TBCD: variants seen among roughly 807,000 people sequenced by gnomAD.
TBCD encodes tubulin-specific chaperone D.
In TBCD, 105 loss-of-function variants were observed where a neutral mutation model predicts 169.3. The observed-to-expected ratio is 0.62, with a 90% CI of 0.53 to 0.73. TBCD has a LOEUF of 0.73. Ranked by LOEUF, TBCD falls within the 30% of genes least tolerant of loss-of-function variation. TBCD has a pLI of 0.00. For synonymous variants in TBCD, 700 were observed against 643.9 expected (o/e 1.09, Z -1.32); for missense variants, 1,444 against 1,600.1 (o/e 0.90, Z 1.66).
At chr17:82,849,185 T>TCAGGGCTGC (rs1362082638) in intron 13 of TBCD, among the ~76,000 whole-genome samples, 2 of 96,864 alleles carry the variant, frequency 2.1e-5, no homozygotes, top group African/African-American at 9.3e-5. Flanking sequence ...GCCTGCTGCG[T>TCAGGGCTGC]CTTCTCACCT....
intron 6 of TBCD, among the ~76,000 whole-genome samples, chr17:82,774,033 T>C (rs2048437027): frequency 7.5e-6 from 1 of 133,570 alleles, no homozygotes; most frequent in Non-Finnish European, 1.6e-5. Flanking sequence ...CTGGCCCGAG[T>C]GTGTCTTTTT....
In TBCD at chr17:82,782,893, G is replaced by A. The variant is rs780649456; in HGVS notation, c.771+1172G>A. Among the ~76,000 whole-genome samples the A allele has an allele frequency of 5.9e-5, 9 of 151,514 alleles. No homozygotes were observed. Among genetic ancestry groups the A allele is most frequent in the South Asian group, 2.1e-4 (1 of 4,744 alleles). On this transcript the variant is annotated intron_variant, in intron 7 of 38. Coordinates refer to ENST00000355528, the MANE Select transcript of TBCD (RefSeq NM_005993.5). The surrounding 1 kb of genome is among the most constrained non-coding windows in gnomAD (Gnocchi z 5.1). ...TCAGTGTTGTCTTCCTGTCCATGGC[G>A]TTGTCTTCCTGTCTGCGGTGTCGTC...
chr17:82,761,382 T>C, intron 2 of TBCD, among the ~76,000 whole-genome samples: 1 of 152,230 alleles, frequency 6.6e-6, no homozygotes, highest in Non-Finnish European at 1.5e-5. Flanking sequence ...TTTAATTTTA[T>C]TGAGTTTAAA....
intron 11 of TBCD, among the ~76,000 whole-genome samples, chr17:82,808,486 G>T (rs1328662638): frequency 2.1e-5 from 3 of 139,862 alleles, no homozygotes; most frequent in Admixed American, 2.1e-4. Flanking sequence ...AGGTGGAGGG[G>T]CTGACAGGTG....
rs2058963300 is a variant in TBCD at position 82,889,251 on chromosome 17, G to A, written c.1534-417G>A. Among the ~76,000 whole-genome samples the A allele has an allele frequency of 6.6e-6, 1 of 152,138 alleles. No homozygotes were observed. The highest frequency in any genetic ancestry group is 1.5e-5 in the Non-Finnish European group (1 of 68,010). ...AGCCTATTGACACCGTGCCATGGGT[G>A]CGGGCAGGGCGCCCTCCCTGGAGGG... On this transcript the variant is annotated intron_variant, in intron 15 of 38. Transcript: ENST00000355528. This position sits in a 1 kb window ranked among gnomAD's most constrained non-coding sequence, Gnocchi z 5.3.
chr17:82,870,116 T>C (rs969217725), intron 13 of TBCD, 108 bp from the exon 14 acceptor site: 48 of 1,480,076 alleles, frequency 3.2e-5, no homozygotes, highest in Middle Eastern at 1.7e-4. Context: ...CGTGCCTCAC[T>C]CATCTGGCAC....
Position 82,790,619 on chromosome 17 carries a change from G to A in TBCD, c.772-7138G>A, listed in dbSNP as rs138453898. Among the ~76,000 whole-genome samples the A allele has an allele frequency of 4.9e-3, 742 of 152,310 alleles. 2 individuals are homozygous for A. Among genetic ancestry groups the A allele is most frequent in the Non-Finnish European group, 7.2e-3 (492 of 68,014 alleles). On this transcript the variant is annotated intron_variant, in intron 7 of 38. Coordinates refer to ENST00000355528, the MANE Select transcript of TBCD (RefSeq NM_005993.5). ...GGCAGAGCTGCTCAGTGGCCAGCCC[G>A]TGGGACCCCTGTGCACCCTGCCGCC...
chr17:82,824,973 A>G (rs967942409), intron 13 of TBCD, among the ~76,000 whole-genome samples: 1 of 152,070 alleles, frequency 6.6e-6, no homozygotes, highest in African/African-American at 2.4e-5. Flanking sequence ...AGCTCTAGGA[A>G]TCGATTTTGC....
chr17:82,920,646 A>G lies in TBCD; in HGVS notation c.2101+28A>G, dbSNP rs1489981783. 6.6e-7 allele frequency: 1 copy of G among 1,517,170 alleles called. No individual in the cohort carries two copies. Among genetic ancestry groups the G allele is most frequent in the East Asian group, 2.4e-5 (1 of 41,000 alleles). 94.0% of individuals were successfully genotyped at this position (1,517,170 alleles called of 1,614,324 possible). ...AAGTGCTTTTGTTTTTAATAATAGC[A>G]TTTTCTTACAGAATGACTTCAGATT... On this transcript the variant is annotated intron_variant, in intron 24 of 38. Transcript: ENST00000355528. This position sits in a 1 kb window ranked among gnomAD's most constrained non-coding sequence, Gnocchi z 4.1.
At chr17:82,939,542 T>G in intron 37 of TBCD, 66 bp downstream of exon 37, 1 of 1,278,484 alleles carries the variant, frequency 7.8e-7, no homozygotes, top group Non-Finnish European at 1.1e-6. Flanking sequence ...GTCCCCACCG[T>G]GTCTACTCGT....
intron 18 of TBCD, among the ~76,000 whole-genome samples, chr17:82,902,651 C>T (rs1207243125): frequency 1.3e-5 from 2 of 152,234 alleles, no homozygotes; most frequent in East Asian, 1.9e-4. Context: ...TGCCATTGTG[C>T]CTGGTTTCAC....
chr17:82,773,894 T>A (rs1231954960), intron 6 of TBCD, among the ~76,000 whole-genome samples: 1 of 151,040 alleles, frequency 6.6e-6, no homozygotes, highest in South Asian at 2.1e-4. Context: ...GCTCAGCTAA[T>A]TTTTTTTTGT....
intron 13 of TBCD, among the ~76,000 whole-genome samples, chr17:82,821,977 T>C (rs916486716): frequency 6.6e-6 from 1 of 152,252 alleles, no homozygotes; most frequent in African/African-American, 2.4e-5. Context: ...AGAGTTGCAT[T>C]GGAGCACACG....
At chr17:82,837,272 A>G (rs1372588468) in intron 13 of TBCD, among the ~76,000 whole-genome samples, 1 of 152,246 alleles carries the variant, frequency 6.6e-6, no homozygotes, top group Admixed American at 6.5e-5. Context: ...AGGCTGTCAC[A>G]GCTGTCTGTG....
At chr17:82,809,679 C>A in intron 11 of TBCD, 29 bp from the exon 12 acceptor site, 1 of 1,608,434 alleles carries the variant, frequency 6.2e-7, no homozygotes, top group South Asian at 1.1e-5. Flanking sequence ...TGGTGGTGCC[C>A]CTGACGGATT....
intron 13 of TBCD, among the ~76,000 whole-genome samples, chr17:82,826,482 C>T (rs991659601): frequency 6.6e-6 from 1 of 152,046 alleles, no homozygotes; most frequent in African/African-American, 2.4e-5. Context: ...GTGGTATGAT[C>T]TTGGCTCACT....
intron 13 of TBCD, among the ~76,000 whole-genome samples, chr17:82,853,234 C>T (rs2055957155): frequency 6.6e-6 from 1 of 152,076 alleles, no homozygotes; most frequent in Non-Finnish European, 1.5e-5. Flanking sequence ...CATGTGCCAC[C>T]ACGCCCAGCT....
chr17:82,935,596 A>G (rs962331210), intron 34 of TBCD, among the ~76,000 whole-genome samples: 2 of 151,968 alleles, frequency 1.3e-5, no homozygotes, highest in African/African-American at 4.8e-5. Flanking sequence ...CCTAGAAATT[A>G]GAAATGACAC....
chr17:82,891,006 G>C (rs1056879039), intron 16 of TBCD, among the ~76,000 whole-genome samples: 2 of 152,248 alleles, frequency 1.3e-5, no homozygotes, highest in Non-Finnish European at 2.9e-5. Flanking sequence ...TGGGCTTCCA[G>C]CCCCTCCAGA....
Sources: gnomAD v4.1 joint callset for allele counts (sites outside exome capture counted in the v4.1 genomes callset) on GRCh38, gnomAD v4.1.1 for gene constraint, Gnocchi (gnomAD v3.1) non-coding constraint, MANE v1.5 for transcripts, NCBI Gene and HGNC (gene_info 2026-07-23, HGNC 2026-07-21) for gene names.